Variants in RBMS3 observed in about 807,000 individuals in gnomAD.
The protein encoded by RBMS3 is RNA-binding motif, single-stranded-interacting protein 3.
RBMS3 carries 27 observed loss-of-function variants against 66.8 expected under a neutral mutation model. That is an observed-to-expected ratio of 0.40 (90% CI 0.30 to 0.56). The LOEUF is 0.56. Ranked by LOEUF, RBMS3 falls within the 20% of genes least tolerant of loss-of-function variation. The pLI is 0.40. For synonymous variants in RBMS3, 188 were observed against 183.0 expected (o/e 1.03, Z -0.22); for missense variants, 513 against 549.5 (o/e 0.93, Z 0.66).
At chr3:29,407,340 T>G (rs1196352906) in intron 1 of RBMS3, among the ~76,000 whole-genome samples, 1 of 152,182 alleles carries the variant, frequency 6.6e-6, no homozygotes, top group African/African-American at 2.4e-5. Flanking sequence ...GTCACCTGAC[T>G]AGCGACTGAG....
chr3:29,438,921 G>T (rs940830455), intron 2 of RBMS3, among the ~76,000 whole-genome samples: 1 of 152,174 alleles, frequency 6.6e-6, no homozygotes, highest in African/African-American at 2.4e-5. Context: ...GATACTAACA[G>T]ATTTTTTAGC....
At chr3:29,886,355 C>T (rs1184124447) in intron 8 of RBMS3, among the ~76,000 whole-genome samples, 1 of 151,712 alleles carries the variant, frequency 6.6e-6, no homozygotes, top group Non-Finnish European at 1.5e-5. Flanking sequence ...AAAATGAGGC[C>T]ATGTAGTCCG....
In RBMS3 at chr3:29,694,709, T is replaced by C. The variant is rs1178739165; in HGVS notation, c.400-45011T>C. Among the ~76,000 whole-genome samples, 3 of 152,118 alleles carry C rather than the reference T, an allele frequency of 2.0e-5. No homozygotes were observed. The East Asian group carries it at 5.8e-4, about 29-fold the overall frequency. ...AGAGTTCAATTATGTTTTAAACACA[T>C]TATCTGTGCAAGTGACTGTCCTAAA... On this transcript the variant is annotated intron_variant, in intron 4 of 14. Transcript: ENST00000383767.
intron 10 of RBMS3, 95 bp downstream of exon 10, chr3:29,899,850 A>G: frequency 2.4e-6 from 3 of 1,234,818 alleles, no homozygotes; most frequent in Admixed American, 2.0e-5. Context: ...TTTTGTTATA[A>G]TATGTAACTC....
At chr3:29,452,688 A>T (rs9844421) in intron 2 of RBMS3, among the ~76,000 whole-genome samples, 13,803 of 152,124 alleles carry the variant, frequency 0.091, 1,465 homozygotes, top group African/African-American at 0.26. Flanking sequence ...AAATTATTTG[A>T]CATTTATTTG....
intron 4 of RBMS3, among the ~76,000 whole-genome samples, chr3:29,737,369 A>C (rs899321399): frequency 6.6e-6 from 1 of 152,204 alleles, no homozygotes; most frequent in Non-Finnish European, 1.5e-5. Context: ...GACTGTCAAA[A>C]ATTTCTAACA....
At chr3:29,913,979 G>A (rs1342736667) in intron 10 of RBMS3, among the ~76,000 whole-genome samples, 1 of 151,826 alleles carries the variant, frequency 6.6e-6, no homozygotes, top group Non-Finnish European at 1.5e-5. Context: ...ATTATACATG[G>A]CATGAACTGA....
intron 4 of RBMS3, among the ~76,000 whole-genome samples, chr3:29,723,658 G>C (rs2053739146): frequency 6.6e-6 from 1 of 152,106 alleles, no homozygotes; most frequent in Non-Finnish European, 1.5e-5. Flanking sequence ...ATCTGTTGCT[G>C]TTTCGAAGGT....
chr3:29,886,611 T>C (rs2059877127), intron 8 of RBMS3, among the ~76,000 whole-genome samples: 1 of 151,870 alleles, frequency 6.6e-6, no homozygotes, highest in African/African-American at 2.4e-5. Context: ...AAGTTTCTTG[T>C]GAAGGAATTT....
At chr3:29,391,158 G>A in intron 1 of RBMS3, 1 of 166,566 alleles carries the variant, frequency 6.0e-6, no homozygotes, top group East Asian at 1.2e-4. Flanking sequence ...TAGTAGTTAA[G>A]GTCTATGGCA....
intron 2 of RBMS3, among the ~76,000 whole-genome samples, chr3:29,483,359 T>TCTGGAGTATTG (rs564218574): frequency 1.9e-3 from 294 of 151,434 alleles, no homozygotes; most frequent in Non-Finnish European, 3.1e-3. Context: ...TCCCTTAGTC[T>TCTGGAGTATTG]CTGGAGTATT....
chr3:29,513,217 A>G (rs1341289394), intron 3 of RBMS3, among the ~76,000 whole-genome samples: 1 of 152,120 alleles, frequency 6.6e-6, no homozygotes, highest in East Asian at 1.9e-4. Flanking sequence ...GGCAAAGGAA[A>G]ATCTTTTATT....
intron 4 of RBMS3, among the ~76,000 whole-genome samples, chr3:29,694,558 C>G (rs1288298334): frequency 6.6e-6 from 1 of 152,090 alleles, no homozygotes; most frequent in Non-Finnish European, 1.5e-5. Flanking sequence ...CAAAGACTAA[C>G]AATTAGTTTG....
intron 3 of RBMS3, among the ~76,000 whole-genome samples, chr3:29,502,238 C>T (rs1216408050): frequency 6.6e-6 from 1 of 151,964 alleles, no homozygotes; most frequent in East Asian, 1.9e-4. Context: ...CATCAAGTAA[C>T]TAACAAAATT....
chr3:29,284,437 C>T (rs1485389197), intron 1 of RBMS3, among the ~76,000 whole-genome samples: 2 of 152,100 alleles, frequency 1.3e-5, no homozygotes, highest in African/African-American at 4.8e-5. Context: ...AAAATGCACA[C>T]ATGCTGAACT....
chr3:29,386,562 C>T (rs191460795), intron 1 of RBMS3, among the ~76,000 whole-genome samples: 1 of 152,104 alleles, frequency 6.6e-6, no homozygotes, highest in East Asian at 1.9e-4. Context: ...GATCACATAC[C>T]TCTTCTGTAT....
At chr3:29,493,596 T>G (rs879742355) in intron 3 of RBMS3, among the ~76,000 whole-genome samples, 3 of 152,176 alleles carry the variant, frequency 2.0e-5, no homozygotes, top group Admixed American at 2.0e-4. Context: ...ATTATTATTA[T>G]TATCTTAACA....
intron 4 of RBMS3, among the ~76,000 whole-genome samples, chr3:29,719,181 G>A (rs2053533537): frequency 2.0e-5 from 3 of 152,094 alleles, no homozygotes; most frequent in African/African-American, 7.2e-5. Context: ...CCATAAATCA[G>A]GCTTTGAGTT....
chr3:29,606,884 T>C (rs1205977005), intron 4 of RBMS3, among the ~76,000 whole-genome samples: 2 of 151,990 alleles, frequency 1.3e-5, no homozygotes, highest in African/African-American at 2.4e-5. Context: ...ATTGAAAATT[T>C]TTCCATTGTA....
Sources: allele counts gnomAD v4.1 joint callset (sites outside exome capture counted in the v4.1 genomes callset), GRCh38; gene constraint gnomAD v4.1.1; transcripts MANE v1.5; gene names NCBI Gene and HGNC (gene_info 2026-07-23, HGNC 2026-07-21).